ZDHHC1: variants seen among roughly 807,000 people sequenced by gnomAD.
ZDHHC1 encodes zDHHC palmitoyltransferase 1.
ZDHHC1 carries 45 observed loss-of-function variants against 46.9 expected under a neutral mutation model. The observed-to-expected ratio is 0.96, with a 90% CI of 0.76 to 1.23. ZDHHC1 has a LOEUF of 1.23. Ranked by LOEUF, ZDHHC1 falls within the 50% of genes most tolerant of loss-of-function variation. ZDHHC1 has a pLI of 0.00. For missense variants in ZDHHC1, 649 were observed against 670.8 expected (o/e 0.97, Z 0.36); for synonymous variants, 291 against 286.0 (o/e 1.02, Z -0.18).
At chr16:67,407,439 G>A (rs1177956082) in intron 2 of ZDHHC1, among the ~76,000 whole-genome samples, 2 of 152,328 alleles carry the variant, frequency 1.3e-5, no homozygotes, top group South Asian at 4.1e-4. Context: ...CCATGAGACA[G>A]GGAACCTAAG....
Position 67,398,344 on chromosome 16 carries a change from G to C in ZDHHC1, c.815-20C>G, listed in dbSNP as rs1224687366. ...GCCACACTGGTGGGGGGAGGAGAGG[G>C]CTCAGTGCGGTGGAAGGGGGACTCT... On this transcript the variant is annotated intron_variant, in intron 7 of 11. Coordinates refer to ENST00000565726, the MANE Select transcript of ZDHHC1 (RefSeq NM_001323627.2). The C allele has an allele frequency of 1.2e-6, 2 of 1,606,668 alleles. No homozygotes were observed. Among genetic ancestry groups the C allele is most frequent in the African/African-American group, 2.7e-5 (2 of 74,868 alleles).
At position 67,406,495 on chromosome 16, in the gene ZDHHC1, G is replaced by A; in HGVS notation, c.10-53C>T. The A allele has an allele frequency of 5.5e-6, 8 of 1,452,990 alleles. No homozygotes were observed. The highest frequency in any genetic ancestry group is 6.4e-6 in the Non-Finnish European group (7 of 1,101,758). The allele number at this position is 1,452,990 out of a possible 1,614,324, so 90.0% of individuals were successfully genotyped here. On this transcript the variant is annotated intron_variant, in intron 2 of 11. Transcript: ENST00000565726. This position sits in a 1 kb window ranked among gnomAD's most constrained non-coding sequence, Gnocchi z 4.1. ...CATTAGCCCAAGAAGCTGGGCTGGA[G>A]CCCAGGGCCTGTGTCTGCAGCCAAG...
chr16:67,394,745 G>C lies in ZDHHC1; in HGVS notation c.1314C>G (p.Ser438Arg). 1 of 1,487,646 alleles carries C rather than the reference G, an allele frequency of 6.7e-7. No homozygotes were observed. Among genetic ancestry groups the C allele is most frequent in the Non-Finnish European group, 8.9e-7 (1 of 1,126,460 alleles). 92.2% of individuals were successfully genotyped at this position (1,487,646 alleles called of 1,614,324 possible). ...GGCCCCGCGGGGCGGCCAGAGCGGCGCTGCCCAGGCGCGTCTGCGCCACTG... is the reference window on the plus strand; with the variant it reads ...GGCCCCGCGGGGCGGCCAGAGCGGCCCTGCCCAGGCGCGTCTGCGCCACTG... ...EIPVAQTRLG[S>R]AALAAPRGRG... The change falls in exon 12 of 12, where the codon AGC (serine) becomes AGG (arginine). Residue 438 changes from serine (S) to arginine (R), a missense_variant. By Grantham distance (110) the Ser-to-Arg change is moderately radical. Transcript: ENST00000565726.
intron 11 of ZDHHC1, 37 bp from the exon 12 acceptor site, chr16:67,394,930 G>A: frequency 2.6e-6 from 4 of 1,556,880 alleles, no homozygotes; most frequent in Non-Finnish European, 3.5e-6. Context: ...CAGTGGCTGC[G>A]GCTCGCTTGT....
chr16:67,409,349 C>A (rs1385262636), intron 1 of ZDHHC1, among the ~76,000 whole-genome samples: 1 of 152,134 alleles, frequency 6.6e-6, no homozygotes, highest in Admixed American at 6.5e-5. Context: ...AAATCGGATA[C>A]CCCCTGATAC....
intron 1 of ZDHHC1, among the ~76,000 whole-genome samples, chr16:67,409,433 G>A (rs2040716112): frequency 6.6e-6 from 1 of 152,190 alleles, no homozygotes; most frequent in Non-Finnish European, 1.5e-5. Context: ...GTGGATGTGG[G>A]GATGGTGCTG....
At chr16:67,410,797 C>T (rs2040737998) in intron 1 of ZDHHC1, among the ~76,000 whole-genome samples, 1 of 151,974 alleles carries the variant, frequency 6.6e-6, no homozygotes, top group Non-Finnish European at 1.5e-5. Flanking sequence ...TCCCAAGTAG[C>T]CGGGATTACA....
chr16:67,394,977 G>A, intron 11 of ZDHHC1, 25 bp downstream of exon 11: 1 of 1,598,838 alleles, frequency 6.3e-7, no homozygotes. Flanking sequence ...CCCAGAGCAG[G>A]ACCCGGACAG....
intron 3 of ZDHHC1, chr16:67,404,802 C>G: frequency 2.3e-6 from 1 of 443,874 alleles, no homozygotes; most frequent in Non-Finnish European, 4.6e-6. Flanking sequence ...TGACGCAGGG[C>G]CTGGCACATG....
At chr16:67,408,519 C>T (rs1268307880) in intron 1 of ZDHHC1, among the ~76,000 whole-genome samples, 1 of 152,040 alleles carries the variant, frequency 6.6e-6, no homozygotes, top group African/African-American at 2.4e-5. Context: ...CAGGGTCTTG[C>T]GCTGTCACCC....
rs906277435 is a variant in ZDHHC1, at chr16:67,408,060, C to G, written c.-38-247G>C. ...GCTCAGAGCCTCCTGCAGGCCAAGCCAAGCATTATTTGAAGTGACCTCTGA... is the reference window on the plus strand; with the variant it reads ...GCTCAGAGCCTCCTGCAGGCCAAGCGAAGCATTATTTGAAGTGACCTCTGA... On this transcript the variant is annotated intron_variant, in intron 1 of 11. Coordinates refer to ENST00000565726, the MANE Select transcript of ZDHHC1 (RefSeq NM_001323627.2). Among the ~76,000 whole-genome samples the G allele has an allele frequency of 2.0e-5, 3 of 152,216 alleles. No homozygotes were observed. In the East Asian group the frequency reaches 5.8e-4, roughly 29 times the overall value.
intron 9 of ZDHHC1, 89 bp from the exon 10 acceptor site, chr16:67,395,369 G>C: frequency 6.6e-7 from 1 of 1,507,314 alleles, no homozygotes; most frequent in Non-Finnish European, 8.9e-7. Flanking sequence ...CTTCCTGTTA[G>C]CTCAGAGAAG....
rs773750953 is a variant in ZDHHC1, at chr16:67,398,899, G to A, written c.576C>T (p.Leu192=). Residue 192 remains leucine, a synonymous_variant, in exon 6 of 12, where the codon CTC becomes CTT. Coordinates refer to ENST00000565726, the MANE Select transcript of ZDHHC1 (RefSeq NM_001323627.2). ...SVASALLGVL[L]LVLVATYVFV... ...AGACATATGTGGCCACCAGCACCAG[G>A]AGCAGGACGCCCAGTAAAGCGGATG... is the stretch of plus-strand genomic sequence containing the variant. The A allele has an allele frequency of 1.2e-5, 19 of 1,613,416 alleles. No individual in the cohort carries two copies. The highest frequency in any genetic ancestry group is 1.1e-5 in the South Asian group (1 of 90,926).
At position 67,399,427 on chromosome 16, in the gene ZDHHC1, C is replaced by G; in HGVS notation, c.458G>C (p.Cys153Ser). The G allele has an allele frequency of 6.2e-7, 1 of 1,613,218 alleles. No homozygotes were observed. Among genetic ancestry groups the G allele is most frequent in the Non-Finnish European group, 8.5e-7 (1 of 1,179,770 alleles). Reference protein sequence around the residue: ...VSARSKHCSACNKCVCGFDHH... With the variant: ...VSARSKHCSASNKCVCGFDHH... Reference sequence around the variant, plus strand: ...GTCGAAACCGCACACGCACTTGTTGCAGGCGCTGCAGTGCTTGGAGCGAGC... The same window carrying G: ...GTCGAAACCGCACACGCACTTGTTGGAGGCGCTGCAGTGCTTGGAGCGAGC... Residue 153 changes from cysteine (C) to serine (S), a missense_variant, in exon 5 of 12, where the codon TGC (cysteine) becomes TCC (serine). Cys to Ser is a moderately radical substitution (Grantham distance 112, BLOSUM62 -1). Coordinates refer to ENST00000565726, the MANE Select transcript of ZDHHC1 (RefSeq NM_001323627.2).
chr16:67,409,755 G>A (rs1214135210), intron 1 of ZDHHC1, among the ~76,000 whole-genome samples: 5 of 152,150 alleles, frequency 3.3e-5, no homozygotes, highest in African/African-American at 1.2e-4. Context: ...GTTCTCCAAC[G>A]ACGTAGCCAG....
At chr16:67,416,030 GC>G (rs1049066103) in intron 1 of ZDHHC1, 140 bp downstream of exon 1, 1 of 152,276 alleles carries the variant, frequency 6.6e-6, no homozygotes, top group East Asian at 1.9e-4. Context: ...CTAAAAGGAA[GC>G]CCCGCGCTCT....
chr16:67,398,146 G>C (rs2040468189), intron 8 of ZDHHC1, 66 bp downstream of exon 8: 2 of 1,511,736 alleles, frequency 1.3e-6, no homozygotes, highest in East Asian at 4.5e-5. Context: ...TCTCCTCACT[G>C]GCTGCTCGCT....
intron 5 of ZDHHC1, 129 bp downstream of exon 5, chr16:67,399,226 C>G (rs555798458): frequency 3.4e-6 from 3 of 887,666 alleles, no homozygotes; most frequent in Admixed American, 5.3e-5. Flanking sequence ...GCAGCACCCC[C>G]GCATAAAACG....
rs1328985045 is a variant in ZDHHC1 at position 67,395,779 on chromosome 16, A to C, written c.928-213T>G. 7.1e-5 allele frequency: 41 copies of C among 579,320 alleles called. No individual in the cohort carries two copies. In the East Asian group the frequency reaches 1.1e-3, roughly 16 times the overall value. 35.9% of individuals were successfully genotyped at this position (579,320 alleles called of 1,614,324 possible). A position where few individuals can be genotyped will look rare whatever the true frequency, so the allele number is the denominator to read the frequency against. ...TGCCCCATCCCCAGGTCCTTACCTC[A>C]TCTATTCAGCCTCTGCCTCCTGCAG... On this transcript the variant is annotated intron_variant, in intron 8 of 11. Transcript: ENST00000565726.
Sources: allele counts gnomAD v4.1 joint callset (sites outside exome capture counted in the v4.1 genomes callset), GRCh38; gene constraint gnomAD v4.1.1; non-coding constraint Gnocchi (gnomAD v3.1); transcripts MANE v1.5; gene names NCBI Gene and HGNC (gene_info 2026-07-23, HGNC 2026-07-21).